PCDHGA2: variants seen among roughly 807,000 people sequenced by gnomAD.
PCDHGA2 encodes the protein protocadherin gamma subfamily A, 2, also known as protocadherin gamma-A2.
In PCDHGA2, 40 loss-of-function variants were observed where a neutral mutation model predicts 59.2. The ratio of observed to expected loss-of-function variants is 0.68; its 90% CI spans 0.52 to 0.88. PCDHGA2 has a LOEUF of 0.88. Ranked by LOEUF, PCDHGA2 falls within the 40% of genes least tolerant of loss-of-function variation. The pLI is 0.00. For missense variants in PCDHGA2, 1,226 were observed against 1,204.0 expected, an observed-to-expected ratio of 1.02 and a Z score of -0.27; for synonymous variants, 560 against 526.0, an observed-to-expected ratio of 1.06 and a Z score of -0.89.
intron 1 of PCDHGA2, among the ~76,000 whole-genome samples, chr5:141,470,152 T>C (rs546219809): frequency 2.6e-5 from 4 of 152,308 alleles, no homozygotes; most frequent in African/African-American, 9.6e-5. Context: ...ATAGATCATC[T>C]TATCAAATCA....
In PCDHGA2 at chr5:141,490,795, C is replaced by A; in HGVS notation, c.2425-4012C>A. The A allele has an allele frequency of 1.3e-5, 21 of 1,614,036 alleles. No homozygotes were observed. Among genetic ancestry groups the A allele is most frequent in the Non-Finnish European group, 1.8e-5 (21 of 1,179,922 alleles). On this transcript the variant is annotated intron_variant, in intron 1 of 3. Coordinates refer to ENST00000394576, the MANE Select transcript of PCDHGA2 (RefSeq NM_018915.4). This position sits in a 1 kb window ranked among gnomAD's most constrained non-coding sequence, Gnocchi z 5.4. ...CCCAGAGGATGGACGGATCTTTGCC[C>A]AGCGTACCTTTGACTATGAATTGCT...
At chr5:141,355,397 T>C (rs1364667381) in intron 1 of PCDHGA2, 2 of 1,614,048 alleles carry the variant, frequency 1.2e-6, no homozygotes, top group Non-Finnish European at 1.7e-6. Flanking sequence ...GGAGTCCGCA[T>C]CGTCTCCAGA....
chr5:141,432,016 C>G lies in PCDHGA2; in HGVS notation c.2425-62791C>G. 1 of 1,614,202 alleles carries G rather than the reference C, an allele frequency of 6.2e-7. No individual in the cohort carries two copies. The highest frequency in any genetic ancestry group is 1.1e-5 in the South Asian group (1 of 91,082). ...ATAGGGAACAGGTTCCTAGCTACAACATCACAGTGACCGCCACTGACCGGG... is the reference window on the plus strand; with the variant it reads ...ATAGGGAACAGGTTCCTAGCTACAAGATCACAGTGACCGCCACTGACCGGG... On this transcript the variant is annotated intron_variant, in intron 1 of 3. Coordinates refer to ENST00000394576, the MANE Select transcript of PCDHGA2 (RefSeq NM_018915.4). The surrounding 1 kb of genome is among the most constrained non-coding windows in gnomAD (Gnocchi z 6.0).
intron 1 of PCDHGA2, chr5:141,418,797 A>T (rs201246978): frequency 1.9e-6 from 3 of 1,613,896 alleles, no homozygotes; most frequent in Non-Finnish European, 2.5e-6. Flanking sequence ...GAAGAAGTAG[A>T]AAGATATACG....
rs748803155 is a variant in PCDHGA2, at chr5:141,490,087, G to A, written c.2425-4720G>A. On this transcript the variant is annotated intron_variant, in intron 1 of 3. Coordinates refer to ENST00000394576, the MANE Select transcript of PCDHGA2 (RefSeq NM_018915.4). The surrounding 1 kb of genome is among the most constrained non-coding windows in gnomAD (Gnocchi z 5.4). ...CGGCCAACTAGACTATTCTTTTGGA[G>A]ACCACACATCTGAGGCAGTGCGGAA... 2.5e-6 allele frequency: 4 copies of A among 1,614,244 alleles called. No homozygotes were observed. The highest frequency in any genetic ancestry group is 1.3e-5 in the African/African-American group (1 of 75,068).
intron 1 of PCDHGA2, chr5:141,413,526 G>A: frequency 6.2e-7 from 1 of 1,613,936 alleles, no homozygotes; most frequent in Non-Finnish European, 8.5e-7. Context: ...TGGAAGACAG[G>A]GTGAAACTTT....
rs150249178 is a variant in PCDHGA2 at position 141,432,742 on chromosome 5, C to A, written c.2425-62065C>A. 154 of 1,614,076 alleles carry A rather than the reference C, an allele frequency of 9.5e-5. No individual in the cohort carries two copies. In the Middle Eastern group the frequency reaches 1.3e-3, roughly 14 times the overall value. On this transcript the variant is annotated intron_variant, in intron 1 of 3. Transcript: ENST00000394576. This position sits in a 1 kb window ranked among gnomAD's most constrained non-coding sequence, Gnocchi z 6.0. ...CTCTCTCCGCCACTGTCACGCTCAC[C>A]GTGGCCGTGGCCGACAGCATCCCCC... is the stretch of plus-strand genomic sequence containing the variant.
intron 1 of PCDHGA2, 108 bp from the exon 2 acceptor site, chr5:141,494,699 T>G: frequency 6.3e-7 from 1 of 1,592,240 alleles, no homozygotes; most frequent in East Asian, 2.3e-5. Context: ...GTCCGTTTTC[T>G]TCTCTGTGCC....
At chr5:141,413,248 G>C in intron 1 of PCDHGA2, 1 of 1,613,962 alleles carries the variant, frequency 6.2e-7, no homozygotes, top group Non-Finnish European at 8.5e-7. Context: ...CCTTTTCTTC[G>C]GGATTCCATG....
intron 1 of PCDHGA2, among the ~76,000 whole-genome samples, chr5:141,437,686 G>A (rs1025629140): frequency 2.6e-5 from 4 of 151,740 alleles, no homozygotes; most frequent in African/African-American, 9.7e-5. Flanking sequence ...AACTGATGAG[G>A]CTAAATCTCA....
At chr5:141,368,798 C>T (rs1477388914) in intron 1 of PCDHGA2, among the ~76,000 whole-genome samples, 3 of 152,096 alleles carry the variant, frequency 2.0e-5, no homozygotes, top group Non-Finnish European at 4.4e-5. Flanking sequence ...ATTTTTCATA[C>T]TAATTGAAGT....
intron 1 of PCDHGA2, chr5:141,423,881 G>A (rs2096788712): frequency 7.8e-7 from 1 of 1,281,784 alleles, no homozygotes; most frequent in Non-Finnish European, 9.9e-7. Flanking sequence ...TTCAATCTTG[G>A]CATATTTTCT....
intron 1 of PCDHGA2, chr5:141,422,104 T>C: frequency 6.2e-7 from 1 of 1,607,960 alleles, no homozygotes; most frequent in Non-Finnish European, 8.5e-7. Context: ...TTCTGAAATA[T>C]TCCAATTGGA....
chr5:141,427,129 T>A lies in PCDHGA2; in HGVS notation c.2425-67678T>A, dbSNP rs752552669. ...GAGATCACCTACTCTTTCAAATCCC[T>A]ACGAGATGATATTGGAAATATGTTT... On this transcript the variant is annotated intron_variant, in intron 1 of 3. Coordinates refer to ENST00000394576, the MANE Select transcript of PCDHGA2 (RefSeq NM_018915.4). 125 of 457,106 alleles carry A rather than the reference T, an allele frequency of 2.7e-4. 2 individuals are homozygous for A. Among genetic ancestry groups the A allele is most frequent in the Non-Finnish European group, 4.0e-5 (9 of 227,024 alleles). The allele number at this position is 457,106 out of a possible 1,614,324, so 28.3% of individuals were successfully genotyped here.
chr5:141,393,367 G>T, intron 1 of PCDHGA2: 1 of 1,613,962 alleles, frequency 6.2e-7, no homozygotes, highest in South Asian at 1.1e-5. Context: ...GTGCAGACTG[G>T]AGACAATGGA....
At chr5:141,351,833 G>A in intron 1 of PCDHGA2, 2 of 1,613,230 alleles carry the variant, frequency 1.2e-6, no homozygotes, top group Non-Finnish European at 1.7e-6. Flanking sequence ...GCGCGCCTTC[G>A]AGCTCACACT....
chr5:141,417,892 C>G lies in PCDHGA2; in HGVS notation c.2424+76497C>G, dbSNP rs550343206. On this transcript the variant is annotated intron_variant, in intron 1 of 3. Coordinates refer to ENST00000394576, the MANE Select transcript of PCDHGA2 (RefSeq NM_018915.4). Reference sequence around the variant, plus strand: ...GGAGCTGCGCGCAGAGGCGCCGGGCCGGCCCGCGGCAGGTACTATTTCCTT... The same window carrying G: ...GGAGCTGCGCGCAGAGGCGCCGGGCGGGCCCGCGGCAGGTACTATTTCCTT... 2.2e-4 allele frequency: 348 copies of G among 1,570,774 alleles called. 2 individuals carry two copies. The South Asian group carries it at 3.7e-3, about 17-fold the overall frequency.
chr5:141,351,011 A>C (rs1417142808), intron 1 of PCDHGA2: 1 of 1,614,030 alleles, frequency 6.2e-7, no homozygotes, highest in Non-Finnish European at 8.5e-7. Flanking sequence ...CCTCCAAGAA[A>C]ACGTACCGTG....
Position 141,340,108 on chromosome 5 carries a change from C to A in PCDHGA2, c.1137C>A (p.Asn379Lys), listed in dbSNP as rs756410712. The part of the protein sequence containing the change: ...FNVHDRDSGQ[N>K]AFTTCSLPED... ...TACATGATAGAGACTCTGGGCAGAACGCATTCACCACCTGTTCACTCCCCG... is the reference window on the plus strand; with the variant it reads ...TACATGATAGAGACTCTGGGCAGAAAGCATTCACCACCTGTTCACTCCCCG... The change falls in exon 1 of 4, where the codon AAC (asparagine) becomes AAA (lysine). Residue 379 changes from asparagine to lysine, a missense_variant. By Grantham distance (94) the Asn-to-Lys change is moderately conservative (BLOSUM62 0). Transcript: ENST00000394576. 1 of 1,613,898 alleles carries A rather than the reference C, an allele frequency of 6.2e-7. No individual in the cohort carries two copies. Among genetic ancestry groups the A allele is most frequent in the Non-Finnish European group, 8.5e-7 (1 of 1,179,918 alleles).
Sources: allele counts gnomAD v4.1 joint callset (sites outside exome capture counted in the v4.1 genomes callset), GRCh38; gene constraint gnomAD v4.1.1; non-coding constraint Gnocchi (gnomAD v3.1); transcripts MANE v1.5; gene names NCBI Gene and HGNC (gene_info 2026-07-23, HGNC 2026-07-21).